Variants in LONP1 observed in about 807,000 individuals in gnomAD.
The protein encoded by LONP1 is lon protease homolog, mitochondrial.
A neutral mutation model predicts 98.5 loss-of-function variants in LONP1; 31 were observed. The observed-to-expected ratio is 0.31, with a 90% CI of 0.24 to 0.42. LONP1 has a LOEUF of 0.42. Ranked by LOEUF, LONP1 falls within the 20% of genes least tolerant of loss-of-function variation. LONP1 has a pLI of 1.00. For synonymous variants in LONP1, 781 were observed against 594.7 expected (o/e 1.31, Z -4.56); for missense variants, 1,336 against 1,350.6 (o/e 0.99, Z 0.17).
Position 5,713,249 on chromosome 19 carries a change from C to G in LONP1, c.523G>C (p.Glu175Gln). 6.2e-7 allele frequency: 1 copy of G among 1,613,338 alleles called. No homozygotes were observed. Among genetic ancestry groups the G allele is most frequent in the Non-Finnish European group, 8.5e-7 (1 of 1,179,536 alleles). Residue 175 changes from glutamate to glutamine, a missense_variant, in exon 3 of 18, where the codon GAG (glutamate) becomes CAG (glutamine). By Grantham distance (29) the Glu-to-Gln change is conservative. Transcript: ENST00000360614. ...GVFLKRDDSN[E>Q]SDVVESLDEI... ...TCCAGGCTCTCGACCACATCCGACT[C>G]ATTGCTGTGGGAGAAGAGCACAGAG... is the stretch of plus-strand genomic sequence containing the variant.
intron 7 of LONP1, among the ~76,000 whole-genome samples, chr19:5,706,245 TCCTG>T (rs1031312633): frequency 1.0e-3 from 155 of 151,554 alleles, no homozygotes; most frequent in African/African-American, 3.7e-3. Context: ...CAAGCGATCC[TCCTG>T]CCTTAGCCTC....
chr19:5,705,801 G>T lies in LONP1; in HGVS notation c.1338C>A (p.Gly446=). ...DVVDEELSKL[G]LLDNHSSEFN... ...ACTCCGAGGAGTGGTTGTCCAGCAG[G>T]CCCAGCTTGCTCAGCTCCTCGTCCA... is the stretch of plus-strand genomic sequence containing the variant. The change falls in exon 8 of 18, where the codon GGC becomes GGA. Residue 446 remains glycine, a synonymous_variant. Coordinates refer to ENST00000360614, the MANE Select transcript of LONP1 (RefSeq NM_004793.4). 6.2e-7 allele frequency: 1 copy of T among 1,613,998 alleles called. No individual in the cohort carries two copies.
rs769549053 is a variant in LONP1, at chr19:5,692,023, G to A, written c.*9C>T. On this transcript the variant is annotated 3_prime_UTR_variant, in exon 18 of 18. Coordinates refer to ENST00000360614, the MANE Select transcript of LONP1 (RefSeq NM_004793.4). ...CTGACATCCGCCGCCTGCAGTCCCG[G>A]GGTGGCCGTCACCGTTCCACGGCCA... The A allele has an allele frequency of 1.9e-6, 3 of 1,609,574 alleles. No homozygotes were observed. The highest frequency in any genetic ancestry group is 1.7e-5 in the Admixed American group (1 of 59,712).
intron 3 of LONP1, chr19:5,712,203 A>G (rs1384448360): frequency 5.3e-6 from 3 of 563,374 alleles, no homozygotes; most frequent in Non-Finnish European, 6.3e-6. Flanking sequence ...TCCACCCCTT[A>G]GACTCCAGCC....
chr19:5,702,720 C>T (rs1008683194), intron 8 of LONP1, among the ~76,000 whole-genome samples: 1 of 151,910 alleles, frequency 6.6e-6, no homozygotes, highest in Non-Finnish European at 1.5e-5. Context: ...GACCTTACCC[C>T]CAACCCTGTG....
At position 5,719,358 on chromosome 19, in the gene LONP1, G is replaced by T. The variant is rs139090046; in HGVS notation, c.429+346C>A. ...ACGGCAGAGCGCCTGGGGCGAGGAGGTATTACAAAACTCGTGCCAAGTAAG... is the reference window on the plus strand; with the variant it reads ...ACGGCAGAGCGCCTGGGGCGAGGAGTTATTACAAAACTCGTGCCAAGTAAG... On this transcript the variant is annotated intron_variant, in intron 1 of 17. Transcript: ENST00000360614. 2.1e-3 allele frequency among the ~76,000 whole-genome samples: 320 copies of T among 152,328 alleles called. 1 individual carries two copies. Among genetic ancestry groups the T allele is most frequent in the African/African-American group, 7.6e-3 (315 of 41,568 alleles).
intron 9 of LONP1, 83 bp from the exon 10 acceptor site, chr19:5,699,288 C>T (rs1333720387): frequency 8.6e-7 from 1 of 1,161,246 alleles, no homozygotes. Context: ...TGCACACTGC[C>T]TTTCAGACGT....
chr19:5,706,882 TC>T (rs1005132107), intron 7 of LONP1, among the ~76,000 whole-genome samples, 177 bp downstream of exon 7: 15 of 152,274 alleles, frequency 9.9e-5, no homozygotes, highest in East Asian at 1.9e-4. Context: ...CGCGGAGAGT[TC>T]CACAGCCCAG....
At chr19:5,694,735 G>A (rs749374974) in intron 14 of LONP1, 26 bp downstream of exon 14, 17 of 1,580,450 alleles carry the variant, frequency 1.1e-5, no homozygotes, top group Non-Finnish European at 1.5e-5. Flanking sequence ...GGCGGCAGGT[G>A]CCAGGAGGGC....
rs1462988276 is a variant in LONP1 at position 5,713,232 on chromosome 19, C to T, written c.540G>A (p.Glu180=). ...RDDSNESDVV[E]SLDEIYHTGT... is the part of the protein sequence containing the mutation. ...CCGTGTGGTAGATTTCATCCAGGCT[C>T]TCGACCACATCCGACTCATTGCTGT... Residue 180 remains glutamate (E), a synonymous_variant, in exon 3 of 18, where the codon GAG becomes GAA. Transcript: ENST00000360614. 1 of 1,614,064 alleles carries T rather than the reference C, an allele frequency of 6.2e-7. No individual in the cohort carries two copies. The highest frequency in any genetic ancestry group is 8.5e-7 in the Non-Finnish European group (1 of 1,180,028).
chr19:5,700,079 C>T (rs2055013180), intron 9 of LONP1, among the ~76,000 whole-genome samples: 1 of 152,186 alleles, frequency 6.6e-6, no homozygotes, highest in Non-Finnish European at 1.5e-5. Context: ...GCTGGGACTG[C>T]AGACACGCAA....
At chr19:5,702,075 T>TGGGGAGGTG (rs1555711218) in intron 8 of LONP1, among the ~76,000 whole-genome samples, 1 of 133,226 alleles carries the variant, frequency 7.5e-6, no homozygotes, top group Admixed American at 7.4e-5. Flanking sequence ...GGGAGGGAGG[T>TGGGGAGGTG]GGGGGGGTCA....
chr19:5,696,063 G>T lies in LONP1; in HGVS notation c.2004C>A (p.Ala668=). Residue 668 remains alanine, a synonymous_variant, in exon 13 of 18, where the codon GCC becomes GCA. Coordinates refer to ENST00000360614, the MANE Select transcript of LONP1 (RefSeq NM_004793.4). ...GAGGGGCTGGGCTTACCTCCGCAAT[G>T]GCCAGCTTCTCCTGGGCCACGTAGC... is the stretch of plus-strand genomic sequence containing the variant. ...VSGYVAQEKL[A]IAERYLVPQA... The T allele has an allele frequency of 6.2e-7, 1 of 1,612,410 alleles. No individual in the cohort carries two copies. The highest frequency in any genetic ancestry group is 8.5e-7 in the Non-Finnish European group (1 of 1,179,790).
chr19:5,708,217 G>T, intron 5 of LONP1, 125 bp downstream of exon 5: 1 of 984,144 alleles, frequency 1.0e-6, no homozygotes, highest in Middle Eastern at 2.9e-4. Context: ...CCTCCACACA[G>T]GCCACTCCTT....
chr19:5,718,440 T>C (rs2055358673), intron 1 of LONP1, among the ~76,000 whole-genome samples: 1 of 149,248 alleles, frequency 6.7e-6, no homozygotes, highest in African/African-American at 2.5e-5. Context: ...ATCGCGCCAC[T>C]GCACTTTAGC....
intron 5 of LONP1, 197 bp downstream of exon 5, chr19:5,708,145 C>T: frequency 1.6e-6 from 1 of 623,208 alleles, no homozygotes; most frequent in Non-Finnish European, 2.8e-6. Flanking sequence ...GACAAAGAAA[C>T]TGGGCCTGCT....
intron 11 of LONP1, 117 bp downstream of exon 11, chr19:5,696,553 C>G (rs998331343): frequency 1.5e-6 from 2 of 1,298,992 alleles, no homozygotes; most frequent in East Asian, 2.4e-5. Flanking sequence ...CCATCAGGGC[C>G]AGCATCACGG....
At chr19:5,705,097 G>A (rs1038072635) in intron 8 of LONP1, among the ~76,000 whole-genome samples, 1 of 151,908 alleles carries the variant, frequency 6.6e-6, no homozygotes, top group African/African-American at 2.4e-5. Flanking sequence ...GGGAGGTGGA[G>A]GTTGCAGTGA....
intron 10 of LONP1, among the ~76,000 whole-genome samples, chr19:5,696,987 G>C (rs955438784): frequency 1.3e-5 from 2 of 152,216 alleles, no homozygotes; most frequent in African/African-American, 4.8e-5. Context: ...TTCAAAGCCA[G>C]ATCTCCCTCA....
Sources: gnomAD v4.1 joint callset for allele counts (sites outside exome capture counted in the v4.1 genomes callset) on GRCh38, gnomAD v4.1.1 for gene constraint, MANE v1.5 for transcripts, NCBI Gene and HGNC (gene_info 2026-07-23, HGNC 2026-07-21) for gene names.